Variants in CRACR2A observed in about 807,000 individuals in gnomAD.
CRACR2A encodes the protein EF-hand calcium-binding domain-containing protein 4B.
Under a neutral mutation model 90.5 loss-of-function variants are expected in CRACR2A, and 79 were observed. The observed-to-expected ratio is 0.87, with a 90% confidence interval of 0.73 to 1.05. The LOEUF (loss-of-function observed/expected upper bound fraction) is 1.05, where lower values mean the gene tolerates loss of function less well. Among genes scored for constraint, CRACR2A ranks in the 50% least tolerant of loss-of-function variants. The pLI is 0.00. For missense variants in CRACR2A, 823 were observed against 897.2 expected (o/e 0.92, Z 1.06); for synonymous variants, 338 against 356.7 (o/e 0.95, Z 0.59).
At chr12:3,667,513 AC>A (rs1301581211) in intron 7 of CRACR2A, among the ~76,000 whole-genome samples, 1 of 151,358 alleles carries the variant, frequency 6.6e-6, no homozygotes, top group Non-Finnish European at 1.5e-5. Flanking sequence ...ATTCCCTCCC[AC>A]CCCCTGCCTC....
intron 14 of CRACR2A, among the ~76,000 whole-genome samples, chr12:3,637,019 G>C (rs1353046799): frequency 6.6e-5 from 10 of 152,204 alleles, no homozygotes; most frequent in African/African-American, 4.8e-5. Context: ...ATGAGGGCTC[G>C]AGGGGCCTAT....
At position 3,746,576 on chromosome 12, in the gene CRACR2A, G is replaced by A. The variant is rs377700489; in HGVS notation, c.-387+6439C>T. 3.3e-5 allele frequency among the ~76,000 whole-genome samples: 5 copies of A among 152,166 alleles called. No homozygotes were observed. The highest frequency in any genetic ancestry group is 7.2e-5 in the African/African-American group (3 of 41,426). On this transcript the variant is annotated intron_variant, in intron 1 of 19. Transcript: ENST00000440314. This position sits in a 1 kb window ranked among gnomAD's most constrained non-coding sequence, Gnocchi z 4.4. The stretch of plus-strand genomic sequence containing the variant: ...CCAGAACTGTGAGAAAATAAATTTC[G>A]GTTGTCTGTGATATTTTGTTCTGTC...
At chr12:3,719,434 C>T (rs754215785) in intron 2 of CRACR2A, among the ~76,000 whole-genome samples, 3 of 152,266 alleles carry the variant, frequency 2.0e-5, no homozygotes, top group African/African-American at 4.8e-5. Flanking sequence ...AATCCTATCC[C>T]GGAATGTAGT....
chr12:3,739,189 A>G (rs1946489153), intron 1 of CRACR2A, among the ~76,000 whole-genome samples: 1 of 152,230 alleles, frequency 6.6e-6, no homozygotes, highest in African/African-American at 2.4e-5. Flanking sequence ...GGATTTTCTC[A>G]GTGTGTTGTT....
At chr12:3,668,909 C>T (rs1359382216) in intron 7 of CRACR2A, among the ~76,000 whole-genome samples, 6 of 152,180 alleles carry the variant, frequency 3.9e-5, no homozygotes, top group Non-Finnish European at 5.9e-5. Context: ...AGATAAGGAG[C>T]TGATTCCAAA....
chr12:3,712,404 C>A (rs1040173187), intron 3 of CRACR2A, among the ~76,000 whole-genome samples: 2 of 152,132 alleles, frequency 1.3e-5, no homozygotes, highest in African/African-American at 4.8e-5. Flanking sequence ...ACTGGGGAAG[C>A]CCCAGGGAGC....
chr12:3,715,469 A>G (rs1273045170), intron 2 of CRACR2A, among the ~76,000 whole-genome samples: 1 of 152,214 alleles, frequency 6.6e-6, no homozygotes, highest in African/African-American at 2.4e-5. Context: ...CCACATGAAA[A>G]GTTAGTTAAG....
chr12:3,684,315 G>A (rs1187956746), intron 4 of CRACR2A, among the ~76,000 whole-genome samples: 1 of 152,158 alleles, frequency 6.6e-6, no homozygotes, highest in Non-Finnish European at 1.5e-5. Context: ...TGGGAGGGCA[G>A]GATCAACCTT....
At chr12:3,734,561 C>T (rs565618264) in intron 1 of CRACR2A, among the ~76,000 whole-genome samples, 14 of 152,134 alleles carry the variant, frequency 9.2e-5, no homozygotes, top group Non-Finnish European at 1.8e-4. Context: ...TTCACAATCA[C>T]CAAGACATGG....
chr12:3,709,699 C>T (rs1945980313), intron 3 of CRACR2A, among the ~76,000 whole-genome samples: 1 of 152,236 alleles, frequency 6.6e-6, no homozygotes, highest in Admixed American at 6.5e-5. Context: ...ATCGCTTGAA[C>T]CCGGGAGGTG....
At chr12:3,623,388 G>A (rs1187598077) in intron 17 of CRACR2A, among the ~76,000 whole-genome samples, 2 of 152,134 alleles carry the variant, frequency 1.3e-5, no homozygotes, top group Non-Finnish European at 2.9e-5. Context: ...AGAACGACAA[G>A]AGGCTCTAAA....
chr12:3,631,528 C>G (rs950309944), intron 15 of CRACR2A, among the ~76,000 whole-genome samples: 8 of 152,208 alleles, frequency 5.3e-5, no homozygotes, highest in Admixed American at 4.6e-4. Context: ...GGCGCTGTCT[C>G]CTGTGTTACC....
intron 17 of CRACR2A, among the ~76,000 whole-genome samples, chr12:3,620,406 A>G (rs1169637178): frequency 6.6e-6 from 1 of 152,248 alleles, no homozygotes; most frequent in African/African-American, 2.4e-5. Context: ...CCAATACTTT[A>G]GCTGTTTTAC....
Position 3,638,387 on chromosome 12 carries a change from G to A in CRACR2A, c.1339C>T (p.Pro447Ser). ...GTTCCTGGCTCCTCTTCTGTTAGGG[G>A]ATATCCACTCAGGCCCAGGGAGCTT... ...RRSSLGLSGY[P>S]LTEEEPGTGE... The change falls in exon 14 of 20, where the codon CCC becomes TCC. Residue 447 changes from proline to serine, a missense_variant. Coordinates refer to ENST00000440314, the MANE Select transcript of CRACR2A (RefSeq NM_001144958.2). The A allele has an allele frequency of 6.4e-7, 1 of 1,551,626 alleles. No homozygotes were observed. Among genetic ancestry groups the A allele is most frequent in the Non-Finnish European group, 8.7e-7 (1 of 1,146,960 alleles).
intron 17 of CRACR2A, among the ~76,000 whole-genome samples, chr12:3,623,133 G>A (rs1313383258): frequency 6.6e-6 from 1 of 152,254 alleles, no homozygotes; most frequent in East Asian, 1.9e-4. Flanking sequence ...CAGGACAAGA[G>A]AGAAGCAGTG....
At chr12:3,695,087 G>C (rs1437872448) in intron 4 of CRACR2A, among the ~76,000 whole-genome samples, 2 of 152,198 alleles carry the variant, frequency 1.3e-5, no homozygotes, top group Non-Finnish European at 2.9e-5. Flanking sequence ...GGAGCTCAAT[G>C]AGAGTTAATT....
chr12:3,682,623 G>C (rs563621137), intron 4 of CRACR2A, among the ~76,000 whole-genome samples: 2 of 152,170 alleles, frequency 1.3e-5, no homozygotes, highest in African/African-American at 4.8e-5. Context: ...CACTACACCT[G>C]ATTCTTTCAC....
rs116155436 is a variant in CRACR2A, at chr12:3,617,758, G to A, written c.2035-728C>T. On this transcript the variant is annotated intron_variant, in intron 18 of 19. Coordinates refer to ENST00000440314, the MANE Select transcript of CRACR2A (RefSeq NM_001144958.2). ...ATTATGACAATGCTGATGGCACAGG[G>A]CCCTGGCTTTTAGATGGCCTGTTCT... Among the ~76,000 whole-genome samples, 1,083 of 152,284 alleles carry A rather than the reference G, an allele frequency of 7.1e-3. 11 individuals carry two copies. Among genetic ancestry groups the A allele is most frequent in the African/African-American group, 0.023 (954 of 41,546 alleles).
intron 10 of CRACR2A, among the ~76,000 whole-genome samples, chr12:3,649,829 AAG>A (rs1209443237): frequency 1.3e-5 from 2 of 151,200 alleles, no homozygotes; most frequent in Non-Finnish European, 2.9e-5. Context: ...GGGAAGGAGG[AAG>A]AGAGGAAGGA....
Sources: allele counts gnomAD v4.1 joint callset (sites outside exome capture counted in the v4.1 genomes callset), GRCh38; gene constraint gnomAD v4.1.1; non-coding constraint Gnocchi (gnomAD v3.1); transcripts MANE v1.5; gene names NCBI Gene and HGNC (gene_info 2026-07-23, HGNC 2026-07-21).